Variants in CSMD3 observed in about 807,000 individuals in gnomAD.
The protein encoded by CSMD3 is CUB and Sushi multiple domains 3.
A neutral mutation model predicts 435.2 loss-of-function variants in CSMD3; 177 were observed. That is an observed-to-expected ratio of 0.41 (90% CI 0.36 to 0.46). CSMD3 has a LOEUF of 0.46. Among genes scored for constraint, CSMD3 ranks in the 20% least tolerant of loss-of-function variants. The pLI is 0.34. For missense variants in CSMD3, 4,265 were observed against 4,504.6 expected (o/e 0.95, Z 1.52); for synonymous variants, 1,656 against 1,520.5 (o/e 1.09, Z -2.07).
At chr8:112,711,895 T>C (rs1010813790) in intron 13 of CSMD3, among the ~76,000 whole-genome samples, 3 of 152,072 alleles carry the variant, frequency 2.0e-5, no homozygotes, top group Non-Finnish European at 4.4e-5. Context: ...CCTGAGTATC[T>C]GGTACTACAG....
intron 38 of CSMD3, among the ~76,000 whole-genome samples, chr8:112,363,783 A>T (rs1197078284): frequency 6.6e-6 from 1 of 152,042 alleles, no homozygotes; most frequent in Non-Finnish European, 1.5e-5. Flanking sequence ...AAGAAGTGCA[A>T]TGTGTTTATA....
At chr8:112,410,702 GTATATATATATATGTA>G (rs1811228723) in intron 32 of CSMD3, among the ~76,000 whole-genome samples, 3 of 110,508 alleles carry the variant, frequency 2.7e-5, no homozygotes, top group African/African-American at 9.9e-5. Context: ...ATATATATGT[GTATATATATATATGTA>G]TATATATAGG....
At chr8:113,005,363 C>T (rs2086017394) in intron 6 of CSMD3, among the ~76,000 whole-genome samples, 1 of 151,872 alleles carries the variant, frequency 6.6e-6, no homozygotes, top group Non-Finnish European at 1.5e-5. Context: ...GACATATTCA[C>T]AATATGTAAA....
At chr8:112,804,077 G>T (rs139012717) in intron 12 of CSMD3, among the ~76,000 whole-genome samples, 49 of 152,308 alleles carry the variant, frequency 3.2e-4, no homozygotes, top group African/African-American at 1.1e-3. Flanking sequence ...AAAGTGAGCT[G>T]CGTGAAACTG....
At chr8:112,226,922 C>A (rs1179256550) in intron 70 of CSMD3, among the ~76,000 whole-genome samples, 1 of 152,060 alleles carries the variant, frequency 6.6e-6, no homozygotes, top group Non-Finnish European at 1.5e-5. Context: ...TGGAAAATAA[C>A]AAGTGTTGGT....
At chr8:112,422,687 TCACTCACA>T (rs1812644688) in intron 32 of CSMD3, among the ~76,000 whole-genome samples, 1 of 152,194 alleles carries the variant, frequency 6.6e-6, no homozygotes, top group Non-Finnish European at 1.5e-5. Flanking sequence ...ACAGAAAATG[TCACTCACA>T]TGTACACTCC....
At chr8:112,838,038 C>T (rs2080078237) in intron 11 of CSMD3, among the ~76,000 whole-genome samples, 1 of 151,510 alleles carries the variant, frequency 6.6e-6, no homozygotes, top group South Asian at 2.1e-4. Context: ...GAATACAATA[C>T]CCTGTGTTGA....
intron 38 of CSMD3, among the ~76,000 whole-genome samples, chr8:112,353,375 G>A (rs953325288): frequency 6.6e-6 from 1 of 152,106 alleles, no homozygotes; most frequent in African/African-American, 2.4e-5. Flanking sequence ...GGGTGACAGA[G>A]CGAGACTTCA....
At chr8:112,901,599 T>A (rs1157451987) in intron 10 of CSMD3, among the ~76,000 whole-genome samples, 1 of 151,200 alleles carries the variant, frequency 6.6e-6, no homozygotes. Flanking sequence ...ATAAAACCAT[T>A]CTCTCCTTCC....
chr8:112,979,843 C>T (rs1175088237), intron 6 of CSMD3, among the ~76,000 whole-genome samples: 2 of 151,034 alleles, frequency 1.3e-5, no homozygotes, highest in African/African-American at 4.8e-5. Flanking sequence ...AAAAATAAGA[C>T]GTTCACAATA....
chr8:113,359,271 C>T (rs1387757997), intron 1 of CSMD3, among the ~76,000 whole-genome samples: 1 of 152,168 alleles, frequency 6.6e-6, no homozygotes, highest in East Asian at 1.9e-4. Flanking sequence ...TCATAACTCT[C>T]AGAAGTAGTC....
chr8:112,339,265 T>G (rs1383544442), intron 42 of CSMD3, among the ~76,000 whole-genome samples: 1 of 151,912 alleles, frequency 6.6e-6, no homozygotes, highest in African/African-American at 2.4e-5. Flanking sequence ...GGTTGCTTTT[T>G]GCAACCAATC....
intron 3 of CSMD3, among the ~76,000 whole-genome samples, chr8:113,256,972 T>C (rs966019948): frequency 6.6e-6 from 1 of 152,080 alleles, no homozygotes; most frequent in Non-Finnish European, 1.5e-5. Flanking sequence ...AACACTGAAG[T>C]CTGGAAAGCC....
chr8:113,278,629 A>G lies in CSMD3; in HGVS notation c.477T>C (p.Phe159=). The change falls in exon 3 of 71, where the codon TTT becomes TTC. Residue 159 remains phenylalanine (F), a synonymous_variant. Coordinates refer to ENST00000297405, the MANE Select transcript of CSMD3 (RefSeq NM_198123.2). ...CCTTAAATCCATGAGCACTAACTGC[A>G]AAATCACTGGTCAAACGTAGTGAGA... The part of the protein sequence containing the change: ...SVFSLRLTSD[F]AVSAHGFKVY... The G allele has an allele frequency of 6.3e-7, 1 of 1,598,950 alleles. No individual in the cohort carries two copies. Among genetic ancestry groups the G allele is most frequent in the Non-Finnish European group, 8.6e-7 (1 of 1,166,488 alleles).
At position 112,513,917 on chromosome 8, in the gene CSMD3, G is replaced by A. The variant is rs139914210; in HGVS notation, c.4756+3117C>T. ...TTGGTCTTTTTTATTGTTAGAAACA[G>A]TATAGAGATGCATACATACATGTAG... On this transcript the variant is annotated intron_variant, in intron 28 of 70. Transcript: ENST00000297405. Among the ~76,000 whole-genome samples, 357 of 152,086 alleles carry A rather than the reference G, an allele frequency of 2.3e-3. 1 individual carries two copies. The highest frequency in any genetic ancestry group is 4.2e-3 in the Non-Finnish European group (286 of 67,980).
At chr8:112,384,209 G>T (rs994725310) in intron 36 of CSMD3, among the ~76,000 whole-genome samples, 2 of 151,708 alleles carry the variant, frequency 1.3e-5, no homozygotes, top group African/African-American at 2.4e-5. Flanking sequence ...TTTTTAACAC[G>T]CATATTTTTA....
intron 22 of CSMD3, among the ~76,000 whole-genome samples, chr8:112,634,266 A>T (rs777753234): frequency 7.9e-5 from 12 of 152,054 alleles, no homozygotes; most frequent in Non-Finnish European, 1.3e-4. Flanking sequence ...AATAAGAAAT[A>T]TACACATACG....
chr8:113,340,897 TA>T (rs2094114259), intron 1 of CSMD3, among the ~76,000 whole-genome samples: 1 of 151,600 alleles, frequency 6.6e-6, no homozygotes, highest in South Asian at 2.1e-4. Flanking sequence ...AATATTTGTC[TA>T]CTCCACCAGT....
chr8:113,136,647 T>C (rs772896527), intron 4 of CSMD3, among the ~76,000 whole-genome samples: 14 of 151,538 alleles, frequency 9.2e-5, no homozygotes, highest in East Asian at 2.0e-4. Context: ...CAGGATTTAG[T>C]AGATTAAAGA....
Sources: allele counts gnomAD v4.1 joint callset (sites outside exome capture counted in the v4.1 genomes callset), GRCh38; gene constraint gnomAD v4.1.1; transcripts MANE v1.5; gene names NCBI Gene and HGNC (gene_info 2026-07-23, HGNC 2026-07-21).